The following CDKAL1 variants were observed in gnomAD, a reference collection of about 807,000 sequenced individuals.
CDKAL1 encodes the protein CDKAL1 threonylcarbamoyladenosine tRNA methylthiotransferase.
In CDKAL1, 32 loss-of-function variants were observed where a neutral mutation model predicts 68.2. The observed-to-expected ratio is 0.47, with a 90% CI of 0.35 to 0.63. CDKAL1 has a LOEUF of 0.63. CDKAL1 is among the 30% of genes least tolerant of loss of function. The pLI is 0.00. For synonymous variants in CDKAL1, 234 were observed against 244.3 expected (o/e 0.96, Z 0.39); for missense variants, 606 against 696.7 (o/e 0.87, Z 1.47).
At chr6:20,897,411 A>G (rs1468622086) in intron 9 of CDKAL1, among the ~76,000 whole-genome samples, 1 of 152,098 alleles carries the variant, frequency 6.6e-6, no homozygotes, top group Non-Finnish European at 1.5e-5. Context: ...CCCTTATAGC[A>G]GAGGCCTCCC....
chr6:21,180,078 C>T (rs1027347330), intron 13 of CDKAL1, among the ~76,000 whole-genome samples: 1 of 152,162 alleles, frequency 6.6e-6, no homozygotes, highest in Non-Finnish European at 1.5e-5. Flanking sequence ...CTGGGTAAGA[C>T]CACCTCAACC....
chr6:20,579,438 C>A (rs1765052069), intron 4 of CDKAL1, among the ~76,000 whole-genome samples: 1 of 152,112 alleles, frequency 6.6e-6, no homozygotes, highest in African/African-American at 2.4e-5. Context: ...TTATATCAAC[C>A]TAGTTTTGAG....
intron 11 of CDKAL1, among the ~76,000 whole-genome samples, chr6:21,006,142 A>G (rs1305857838): frequency 2.6e-5 from 4 of 152,126 alleles, no homozygotes; most frequent in Non-Finnish European, 4.4e-5. Flanking sequence ...TTTCTTTCCT[A>G]TCATTAGTCC....
chr6:20,703,527 A>G (rs892411740), intron 5 of CDKAL1, among the ~76,000 whole-genome samples: 2 of 152,134 alleles, frequency 1.3e-5, no homozygotes, highest in East Asian at 3.8e-4. Flanking sequence ...TGATTCATTT[A>G]AAAAATATAT....
At chr6:20,634,353 T>C (rs1300419705) in intron 4 of CDKAL1, among the ~76,000 whole-genome samples, 2 of 152,246 alleles carry the variant, frequency 1.3e-5, no homozygotes, top group African/African-American at 2.4e-5. Context: ...AACGACTTAT[T>C]TTCTTTTTCA....
At chr6:20,726,952 A>G (rs1019610299) in intron 5 of CDKAL1, among the ~76,000 whole-genome samples, 10 of 152,210 alleles carry the variant, frequency 6.6e-5, no homozygotes, top group African/African-American at 2.2e-4. Context: ...TGCAGCCCCT[A>G]TAAACTAGCT....
In CDKAL1 at chr6:20,641,618, C is replaced by G. The variant is rs1768179985; in HGVS notation, c.287-7675C>G. ...TAGATACTAGACATATTCTTCTACA[C>G]CTTGCTTTGTTTCTTCTGATAATAT... On this transcript the variant is annotated intron_variant, in intron 4 of 15. Transcript: ENST00000274695. 2.0e-5 allele frequency among the ~76,000 whole-genome samples: 3 copies of G among 152,226 alleles called. 1 individual carries two copies. In the South Asian group the frequency reaches 6.2e-4, roughly 32 times the overall value.
intron 11 of CDKAL1, among the ~76,000 whole-genome samples, chr6:21,018,781 G>A (rs1029161124): frequency 6.6e-6 from 1 of 152,064 alleles, no homozygotes; most frequent in Non-Finnish European, 1.5e-5. Flanking sequence ...GTGTTTTTCT[G>A]TGTGAAGGTA....
chr6:20,953,197 T>C (rs1297147025), intron 9 of CDKAL1, among the ~76,000 whole-genome samples: 1 of 152,210 alleles, frequency 6.6e-6, no homozygotes, highest in Non-Finnish European at 1.5e-5. Context: ...TTATGTGATT[T>C]AATTTGAGGT....
chr6:20,998,525 C>T (rs1049572082), intron 10 of CDKAL1, among the ~76,000 whole-genome samples: 2 of 151,916 alleles, frequency 1.3e-5, no homozygotes, highest in African/African-American at 4.8e-5. Context: ...GCAGGAGAAT[C>T]ACTTGAACCC....
chr6:20,933,432 T>C (rs1025959648), intron 9 of CDKAL1, among the ~76,000 whole-genome samples: 1 of 152,216 alleles, frequency 6.6e-6, no homozygotes, highest in African/African-American at 2.4e-5. Flanking sequence ...AGTTATTAAC[T>C]AAAAGGAGAG....
At chr6:21,045,064 C>G (rs544265273) in intron 11 of CDKAL1, among the ~76,000 whole-genome samples, 33 of 152,142 alleles carry the variant, frequency 2.2e-4, no homozygotes, top group Non-Finnish European at 3.7e-4. Flanking sequence ...TCCCAAAGAC[C>G]ACACCTCTAT....
At chr6:21,012,787 G>T (rs973501464) in intron 11 of CDKAL1, among the ~76,000 whole-genome samples, 5 of 152,200 alleles carry the variant, frequency 3.3e-5, no homozygotes, top group Non-Finnish European at 7.4e-5. Flanking sequence ...TGGCATTAGG[G>T]TGAATGCTCT....
Position 20,999,663 on chromosome 6 carries a change from TAAAA to T in CDKAL1, c.910-543_910-540del, listed in dbSNP as rs36078234. On this transcript the variant is annotated intron_variant, in intron 10 of 15. Coordinates refer to ENST00000274695, the MANE Select transcript of CDKAL1 (RefSeq NM_017774.3). ...TACTCAAAAAATATGTGACTGAAAT[TAAAA>T]AAAAAAAAAAAAAAAAAAAAGAAAG... is the stretch of plus-strand genomic sequence containing the variant. 2.2e-4 allele frequency among the ~76,000 whole-genome samples: 21 copies of T among 93,388 alleles called. No homozygotes were observed. The South Asian group carries it at 5.0e-3, about 22-fold the overall frequency. The allele number at this position is 93,388 out of a possible 152,430, so 61.3% of individuals were successfully genotyped here.
At chr6:20,867,945 A>G (rs1045718057) in intron 9 of CDKAL1, among the ~76,000 whole-genome samples, 6 of 152,196 alleles carry the variant, frequency 3.9e-5, no homozygotes, top group Non-Finnish European at 5.9e-5. Flanking sequence ...CGTATTCCAT[A>G]TATAGTACAT....
chr6:21,114,095 A>G (rs1774267601), intron 13 of CDKAL1, among the ~76,000 whole-genome samples: 1 of 151,938 alleles, frequency 6.6e-6, no homozygotes, highest in Non-Finnish European at 1.5e-5. Context: ...AAAAACAGAA[A>G]AAATTAGCCG....
chr6:20,634,276 A>T (rs1349715080), intron 4 of CDKAL1, among the ~76,000 whole-genome samples: 1 of 152,238 alleles, frequency 6.6e-6, no homozygotes, highest in African/African-American at 2.4e-5. Context: ...TGGGGGACAT[A>T]CAAATTTATG....
intron 13 of CDKAL1, among the ~76,000 whole-genome samples, chr6:21,146,625 C>A (rs1275627886): frequency 6.6e-6 from 1 of 151,974 alleles, no homozygotes; most frequent in African/African-American, 2.4e-5. Flanking sequence ...CCGAGACGGG[C>A]GGATCACAAG....
chr6:20,545,797 A>G (rs1763576878), intron 2 of CDKAL1, among the ~76,000 whole-genome samples: 1 of 152,262 alleles, frequency 6.6e-6, no homozygotes, highest in Admixed American at 6.5e-5. Flanking sequence ...AAAGTAAATT[A>G]TAGACATAAT....
Sources: gnomAD v4.1 joint callset for allele counts (sites outside exome capture counted in the v4.1 genomes callset) on GRCh38, gnomAD v4.1.1 for gene constraint, MANE v1.5 for transcripts, NCBI Gene and HGNC (gene_info 2026-07-23, HGNC 2026-07-21) for gene names.